The following MYO16 variants were observed in gnomAD, a reference collection of about 807,000 sequenced individuals.
MYO16 encodes the protein unconventional myosin-XVI.
Under a neutral mutation model 205.3 loss-of-function variants are expected in MYO16, and 94 were observed. That is an observed-to-expected ratio of 0.46 (90% CI 0.39 to 0.54). The LOEUF is 0.54. Ranked by LOEUF, MYO16 falls within the 20% of genes least tolerant of loss-of-function variation. The probability of loss-of-function intolerance (pLI) is 0.00; values close to 1 mark genes in which losing one functional copy is unlikely to be tolerated. For missense variants in MYO16, 2,315 were observed against 2,387.5 expected (o/e 0.97, Z 0.63); for synonymous variants, 988 against 954.0 (o/e 1.04, Z -0.66).
At chr13:109,021,840 G>T (rs1045476264) in intron 23 of MYO16, among the ~76,000 whole-genome samples, 10 of 151,814 alleles carry the variant, frequency 6.6e-5, no homozygotes, top group African/African-American at 2.2e-4. Flanking sequence ...AAAGTAGGAA[G>T]ATGAAGCAAT....
At chr13:108,980,092 G>C (rs889702650) in intron 20 of MYO16, among the ~76,000 whole-genome samples, 1 of 152,042 alleles carries the variant, frequency 6.6e-6, no homozygotes, top group African/African-American at 2.4e-5. Flanking sequence ...ATCAGATCTA[G>C]GAGAATATGT....
chr13:109,075,453 G>A (rs569920643), intron 27 of MYO16, among the ~76,000 whole-genome samples: 3 of 48,366 alleles, frequency 6.2e-5, no homozygotes, highest in East Asian at 4.8e-4. Flanking sequence ...ACAATGGCAT[G>A]GTCTTGGCTC....
intron 13 of MYO16, among the ~76,000 whole-genome samples, chr13:108,884,209 G>A (rs148419782): frequency 1.8e-3 from 277 of 152,250 alleles, no homozygotes; most frequent in African/African-American, 6.3e-3. Context: ...AATTCAAAAG[G>A]CTTATTTAAA....
intron 33 of MYO16, among the ~76,000 whole-genome samples, chr13:109,176,936 A>T (rs1001433009): frequency 5.9e-5 from 9 of 152,184 alleles, no homozygotes; most frequent in African/African-American, 2.2e-4. Flanking sequence ...ACAGTTATGA[A>T]TGAAATACCT....
intron 4 of MYO16, among the ~76,000 whole-genome samples, chr13:108,781,280 A>G (rs532272833): frequency 3.2e-4 from 49 of 152,360 alleles, no homozygotes; most frequent in African/African-American, 1.1e-3. Context: ...ATTGTTTAGC[A>G]GTCGATATTT....
intron 22 of MYO16, among the ~76,000 whole-genome samples, chr13:109,011,505 T>TC (rs1885596747): frequency 1.3e-5 from 2 of 150,582 alleles, no homozygotes; most frequent in Admixed American, 1.3e-4. Flanking sequence ...TTTCTTTTTT[T>TC]TTTTTGTTGT....
chr13:108,863,353 T>C (rs574326192), intron 11 of MYO16, among the ~76,000 whole-genome samples: 15 of 152,258 alleles, frequency 9.9e-5, no homozygotes, highest in African/African-American at 3.6e-4. Flanking sequence ...TTTCATTAGA[T>C]TAAGGAAGTC....
At position 108,883,189 on chromosome 13, in the gene MYO16, G is replaced by A. The variant is rs1328924492; in HGVS notation, c.1553+3G>A. Reference sequence around the variant, plus strand: ...CGGCCTCAGTGTTTCATCCTCAGGTGAGTCCTCCTCAACCTTGTCTGCCAG... The same window carrying A: ...CGGCCTCAGTGTTTCATCCTCAGGTAAGTCCTCCTCAACCTTGTCTGCCAG... On this transcript the variant is annotated splice_donor_region_variant and intron_variant, in intron 13 of 34. Coordinates refer to ENST00000457511, the MANE Select transcript of MYO16 (RefSeq NM_001198950.3). 1 of 1,613,238 alleles carries A rather than the reference G, an allele frequency of 6.2e-7. No homozygotes were observed. Among genetic ancestry groups the A allele is most frequent in the South Asian group, 1.1e-5 (1 of 90,984 alleles).
intron 23 of MYO16, among the ~76,000 whole-genome samples, chr13:109,024,757 T>C (rs967241039): frequency 6.6e-6 from 1 of 152,146 alleles, no homozygotes; most frequent in Non-Finnish European, 1.5e-5. Context: ...TACTGAGATG[T>C]ACTAATGAGT....
intron 2 of MYO16, among the ~76,000 whole-genome samples, chr13:108,676,567 A>G (rs2139457677): frequency 6.6e-6 from 1 of 152,328 alleles, no homozygotes; most frequent in South Asian, 2.1e-4. Context: ...CAGATAAGTC[A>G]TCAGGATCAG....
intron 1 of MYO16, among the ~76,000 whole-genome samples, chr13:108,661,250 G>C (rs1042859584): frequency 6.6e-6 from 1 of 152,162 alleles, no homozygotes; most frequent in Non-Finnish European, 1.5e-5. Context: ...ATAACCTGAT[G>C]ACAATGTGCC....
intron 16 of MYO16, among the ~76,000 whole-genome samples, chr13:108,948,098 A>G (rs1355789169): frequency 6.6e-6 from 1 of 152,246 alleles, no homozygotes; most frequent in Non-Finnish European, 1.5e-5. Flanking sequence ...AATATGTTTC[A>G]GATAGTTCGA....
At position 108,895,126 on chromosome 13, in the gene MYO16, A is replaced by G. The variant is rs139303294; in HGVS notation, c.1660-2890A>G. On this transcript the variant is annotated intron_variant, in intron 14 of 34. Transcript: ENST00000457511. ...CCACAAGTCTTTACTTTCAGAAAAT[A>G]CAGTAGATTAACTCCTACCATAATA... Among the ~76,000 whole-genome samples the G allele has an allele frequency of 1.5e-3, 231 of 152,318 alleles. 2 individuals carry two copies. Among genetic ancestry groups the G allele is most frequent in the African/African-American group, 5.1e-3 (214 of 41,568 alleles).
At chr13:108,543,897 C>G in the MYO16 span, among the ~76,000 whole-genome samples, 2 of 150,494 alleles carry the variant, frequency 1.3e-5, no homozygotes, top group African/African-American at 4.9e-5. Flanking sequence ...GAAACCCCCT[C>G]TCTACTAAAA....
At chr13:109,116,639 A>C (rs1875702804) in intron 28 of MYO16, among the ~76,000 whole-genome samples, 1 of 152,038 alleles carries the variant, frequency 6.6e-6, no homozygotes, top group Non-Finnish European at 1.5e-5. Context: ...CTCTTCCTAT[A>C]ATTTACCCTC....
intron 22 of MYO16, among the ~76,000 whole-genome samples, chr13:109,017,924 C>T (rs9555539): frequency 0.16 from 25,026 of 152,096 alleles, 2,193 homozygotes; most frequent in East Asian, 0.24. Context: ...TCTGTTAGCC[C>T]GGAGAAGTTT....
At chr13:108,563,593 TTGTC>T in the MYO16 span, among the ~76,000 whole-genome samples, 2 of 152,210 alleles carry the variant, frequency 1.3e-5, no homozygotes, top group African/African-American at 4.8e-5. Flanking sequence ...CATTTGATGC[TTGTC>T]TGTCTGTATC....
intron 22 of MYO16, among the ~76,000 whole-genome samples, chr13:109,010,935 A>C (rs1052066126): frequency 7.0e-6 from 1 of 143,680 alleles, no homozygotes; most frequent in Non-Finnish European, 1.5e-5. Context: ...GCTGCTCTCT[A>C]TTATATATAT....
chr13:108,923,368 A>G (rs946506879), intron 16 of MYO16, among the ~76,000 whole-genome samples: 5 of 152,240 alleles, frequency 3.3e-5, no homozygotes, highest in African/African-American at 1.2e-4. Context: ...CAGCTCAGTC[A>G]TTGCTTTTGC....
Sources: allele counts gnomAD v4.1 joint callset (sites outside exome capture counted in the v4.1 genomes callset), GRCh38; gene constraint gnomAD v4.1.1; transcripts MANE v1.5; gene names NCBI Gene and HGNC (gene_info 2026-07-23, HGNC 2026-07-21).